Variants in FBXO10 observed in about 807,000 individuals in gnomAD.
FBXO10 encodes F-box protein 10.
FBXO10 carries 39 observed loss-of-function variants against 80.7 expected under a neutral mutation model. The ratio of observed to expected loss-of-function variants is 0.48; its 90% confidence interval spans 0.37 to 0.63. The LOEUF (loss-of-function observed/expected upper bound fraction) is 0.63, where lower values mean the gene tolerates loss of function less well. Ranked by LOEUF, FBXO10 falls within the 30% of genes least tolerant of loss-of-function variation. The pLI is 0.00. For missense variants in FBXO10, 1,025 were observed against 1,269.0 expected, an observed-to-expected ratio of 0.81 and a Z score of 2.92; for synonymous variants, 449 against 489.6, an observed-to-expected ratio of 0.92 and a Z score of 1.09.
intron 9 of FBXO10, among the ~76,000 whole-genome samples, chr9:37,516,343 T>C (rs539816217): frequency 1.3e-5 from 2 of 152,138 alleles, no homozygotes; most frequent in Admixed American, 6.5e-5. Context: ...GGAGAAACAA[T>C]ATGCAAAGGC....
intron 1 of FBXO10, among the ~76,000 whole-genome samples, chr9:37,551,787 A>T (rs1038769372): frequency 1.3e-5 from 2 of 152,112 alleles, no homozygotes; most frequent in Non-Finnish European, 2.9e-5. Context: ...CAGAACTGAG[A>T]GTTTTTCAAA....
In FBXO10 at chr9:37,548,690, T is replaced by C. The variant is rs540699170; in HGVS notation, c.-6-6916A>G. 2.0e-5 allele frequency among the ~76,000 whole-genome samples: 3 copies of C among 152,328 alleles called. No homozygotes were observed. The East Asian group carries it at 5.8e-4, about 29-fold the overall frequency. On this transcript the variant is annotated intron_variant, in intron 1 of 10. Transcript: ENST00000432825. The stretch of plus-strand genomic sequence containing the variant: ...CTTAAGCAATCTCTCCTATGATTAC[T>C]TTCTTCACTATCCTCCCTGTCCCTG...
chr9:37,540,373 G>A (rs995880907), intron 2 of FBXO10, among the ~76,000 whole-genome samples: 6 of 151,894 alleles, frequency 4.0e-5, no homozygotes, highest in African/African-American at 1.5e-4. Flanking sequence ...TTTTAGTAGA[G>A]ACAGGTTTCA....
At chr9:37,559,291 G>T (rs1428596313) in intron 1 of FBXO10, among the ~76,000 whole-genome samples, 3 of 152,158 alleles carry the variant, frequency 2.0e-5, no homozygotes, top group Non-Finnish European at 4.4e-5. Context: ...GCTCCCTGGT[G>T]ATTGTGATAA....
intron 1 of FBXO10, among the ~76,000 whole-genome samples, chr9:37,556,533 A>ATTTTTTTTTTTT (rs60829486): frequency 1.3e-5 from 1 of 75,102 alleles, no homozygotes; most frequent in Non-Finnish European, 2.4e-5. Context: ...TTTGTTCTGG[A>ATTTTTTTTTTTT]TTTTTTTTTT....
intron 5 of FBXO10, 41 bp from the exon 6 acceptor site, chr9:37,525,213 G>A (rs1821439390): frequency 1.3e-6 from 2 of 1,528,508 alleles, no homozygotes; most frequent in African/African-American, 2.8e-5. Context: ...TGAGCCCAGG[G>A]CATCAATGTC....
At chr9:37,554,438 A>G (rs1307736751) in intron 1 of FBXO10, among the ~76,000 whole-genome samples, 2 of 152,154 alleles carry the variant, frequency 1.3e-5, no homozygotes, top group Non-Finnish European at 1.5e-5. Context: ...ATTTCGTGCT[A>G]TGGATGTACC....
At chr9:37,531,777 C>T in intron 4 of FBXO10, 132 bp downstream of exon 4, 1 of 858,542 alleles carries the variant, frequency 1.2e-6, no homozygotes, top group South Asian at 1.6e-5. Flanking sequence ...CAAGGACACG[C>T]AGAGGACAGA....
intron 1 of FBXO10, among the ~76,000 whole-genome samples, chr9:37,561,173 CTTTTTT>C (rs78284002): frequency 2.3e-5 from 3 of 129,820 alleles, no homozygotes; most frequent in African/African-American, 9.0e-5. Context: ...ACAAAATCAA[CTTTTTT>C]TTTTTTTTTT....
rs1332646933 is a variant in FBXO10, at chr9:37,537,373, C to T, written c.1156G>A (p.Gly386Arg). The change falls in exon 3 of 11, where the codon GGG (glycine) becomes AGG (arginine). Residue 386 changes from glycine to arginine, a missense_variant. Coordinates refer to ENST00000432825, the MANE Select transcript of FBXO10 (RefSeq NM_012166.3). ...AGAGGTGGGCCCAGAAATGAGCCCCCCAATACAGGGCGTGGGCCCTGCACT... is the reference window on the plus strand; with the variant it reads ...AGAGGTGGGCCCAGAAATGAGCCCCTCAATACAGGGCGTGGGCCCTGCACT... ...YQVQGPRPVL[G>R]GSFLGPPLPG... The T allele has an allele frequency of 2.5e-6, 4 of 1,597,496 alleles. No individual in the cohort carries two copies. Among genetic ancestry groups the T allele is most frequent in the African/African-American group, 1.3e-5 (1 of 74,580 alleles).
Position 37,512,740 on chromosome 9 carries a change from A to C in FBXO10, c.2697-19T>G. On this transcript the variant is annotated intron_variant, in intron 10 of 10. Coordinates refer to ENST00000432825, the MANE Select transcript of FBXO10 (RefSeq NM_012166.3). Reference sequence around the variant, plus strand: ...ATCAGACCTGGAGGTGCAAAACGAAAGTCAGTGAACTTCTGAGGGGTGTGC... The same window carrying C: ...ATCAGACCTGGAGGTGCAAAACGAACGTCAGTGAACTTCTGAGGGGTGTGC... The C allele has an allele frequency of 6.2e-7, 1 of 1,607,866 alleles. No homozygotes were observed. Among genetic ancestry groups the C allele is most frequent in the Non-Finnish European group, 8.5e-7 (1 of 1,176,042 alleles).
At chr9:37,516,146 G>T (rs1821174876) in intron 9 of FBXO10, 61 bp from the exon 10 acceptor site, 10 of 1,539,434 alleles carry the variant, frequency 6.5e-6, no homozygotes, top group Non-Finnish European at 7.9e-6. Flanking sequence ...TGGGAGAGCT[G>T]GGCAAGTGAA....
At chr9:37,563,553 C>G (rs554205225) in intron 1 of FBXO10, among the ~76,000 whole-genome samples, 1 of 152,236 alleles carries the variant, frequency 6.6e-6, no homozygotes, top group East Asian at 1.9e-4. Context: ...GATCAAAATG[C>G]TGATAGTGAT....
At position 37,521,633 on chromosome 9, in the gene FBXO10, G is replaced by A. The variant is rs377191726; in HGVS notation, c.2136C>T (p.Asp712=). The A allele has an allele frequency of 8.4e-5, 135 of 1,613,826 alleles. No homozygotes were observed. The highest frequency in any genetic ancestry group is 1.0e-4 in the Non-Finnish European group (119 of 1,179,868). Residue 712 remains aspartate, a synonymous_variant, in exon 8 of 11, where the codon GAC becomes GAT. Coordinates refer to ENST00000432825, the MANE Select transcript of FBXO10 (RefSeq NM_012166.3). ...ILWETELEKE[D]DPLRRPITIA... ...TGGTGATGGGCCGGCGCAGTGGGTC[G>A]TCCTCCTTCTCCAGCTCTGTCTCCC...
At chr9:37,558,822 T>C (rs1019578839) in intron 1 of FBXO10, among the ~76,000 whole-genome samples, 15 of 152,002 alleles carry the variant, frequency 9.9e-5, no homozygotes, top group Non-Finnish European at 4.4e-5. Flanking sequence ...TCTTTTTTTT[T>C]TTTTTGAGAT....
chr9:37,575,106 A>T lies in FBXO10; in HGVS notation c.-7+1105T>A, dbSNP rs1211529676. 2.0e-5 allele frequency among the ~76,000 whole-genome samples: 3 copies of T among 151,146 alleles called. No individual in the cohort carries two copies. In the East Asian group the frequency reaches 5.8e-4, roughly 29 times the overall value. ...TTAGATGGTTTCCCAGGCATCCTCCAGCTCTGACAGTCAATCACCGTACTG... is the reference window on the plus strand; with the variant it reads ...TTAGATGGTTTCCCAGGCATCCTCCTGCTCTGACAGTCAATCACCGTACTG... On this transcript the variant is annotated intron_variant, in intron 1 of 10. Coordinates refer to ENST00000432825, the MANE Select transcript of FBXO10 (RefSeq NM_012166.3).
rs764767011 is a variant in FBXO10, at chr9:37,541,227, T to C, written c.542A>G (p.Asn181Ser). 1.2e-6 allele frequency: 2 copies of C among 1,612,494 alleles called. No homozygotes were observed. Among genetic ancestry groups the C allele is most frequent in the Non-Finnish European group, 1.7e-6 (2 of 1,179,192 alleles). Reference protein sequence around the residue: ...DQHCSTTRLCNLVFTPAWFSP... With the variant: ...DQHCSTTRLCSLVFTPAWFSP... ...GAACCAGGCTGGCGTGAAGACGAGG[T>C]TGCACAGGCGTGTGGTTGAGCAGTG... is the stretch of plus-strand genomic sequence containing the variant. Residue 181 changes from asparagine (N) to serine (S), a missense_variant, in exon 2 of 11, where the codon AAC becomes AGC. By Grantham distance (46) the Asn-to-Ser change is conservative. This residue lies in a region of FBXO10 where 450 missense variants were observed against 499.4 expected (regional missense o/e 0.90). Transcript: ENST00000432825.
At position 37,529,221 on chromosome 9, in the gene FBXO10, C is replaced by G. The variant is rs752568865; in HGVS notation, c.1609G>C (p.Val537Leu). The G allele has an allele frequency of 1.1e-5, 18 of 1,612,750 alleles. No homozygotes were observed. Among genetic ancestry groups the G allele is most frequent in the Admixed American group, 5.0e-5 (3 of 59,828 alleles). ...IHHGLRSGIV[V>L]LGNGKGIIRN... ...ATGATGCCTTTCCCATTGCCAAGGA[C>G]GACAATGCCAGAGCGAAGGCCATGG... Residue 537 changes from valine to leucine, a missense_variant, in exon 5 of 11, where the codon GTC becomes CTC. This residue lies in a region of FBXO10 where 478 missense variants were observed against 667.8 expected (regional missense o/e 0.72). Transcript: ENST00000432825.
rs1347904303 is a variant in FBXO10, at chr9:37,545,011, A to AAAG, written c.-6-3238_-6-3237insCTT. ...TCTCTCAAAAAAAAAAAAAAAAAAAAAGAGAGAGAAAAGCTGGGCTCTGGA... is the reference window on the plus strand; with the variant it reads ...TCTCTCAAAAAAAAAAAAAAAAAAAAAAGAGAGAGAGAAAAGCTGGGCTCTGGA... On this transcript the variant is annotated intron_variant, in intron 1 of 10. Transcript: ENST00000432825. Among the ~76,000 whole-genome samples the AAAG allele has an allele frequency of 3.8e-3, 527 of 139,508 alleles. 13 individuals are homozygous for AAAG. The highest frequency in any genetic ancestry group is 0.015 in the African/African-American group (505 of 33,574). The allele number at this position is 139,508 out of a possible 152,430, so 91.5% of individuals were successfully genotyped here. A position where few individuals can be genotyped will look rare whatever the true frequency, so the allele number is the denominator to read the frequency against.
Sources: allele counts gnomAD v4.1 joint callset (sites outside exome capture counted in the v4.1 genomes callset), GRCh38; gene constraint gnomAD v4.1.1; regional missense constraint gnomAD v4.1.1; transcripts MANE v1.5; gene names NCBI Gene and HGNC (gene_info 2026-07-23, HGNC 2026-07-21).